The following PTK2B variants were observed in gnomAD, a reference collection of about 807,000 sequenced individuals.
PTK2B encodes protein-tyrosine kinase 2-beta.
Under a neutral mutation model 142.9 loss-of-function variants are expected in PTK2B, and 71 were observed. The ratio of observed to expected loss-of-function variants is 0.50; its 90% CI spans 0.41 to 0.61. The LOEUF is 0.61. Among genes scored for constraint, PTK2B ranks in the 20% least tolerant of loss-of-function variants. The pLI, the probability that PTK2B is intolerant of heterozygous loss-of-function variation, is 0.00. For missense variants in PTK2B, 1,105 were observed against 1,320.4 expected, an observed-to-expected ratio of 0.84 and a Z score of 2.53; for synonymous variants, 519 against 503.4, an observed-to-expected ratio of 1.03 and a Z score of -0.42.
At chr8:27,372,012 T>C (rs1255680766) in intron 1 of PTK2B, among the ~76,000 whole-genome samples, 1 of 152,184 alleles carries the variant, frequency 6.6e-6, no homozygotes, top group Non-Finnish European at 1.5e-5. Context: ...GGGAACAGGG[T>C]GTTATGTGGA....
At chr8:27,390,781 CCT>C (rs1175439838) in intron 1 of PTK2B, among the ~76,000 whole-genome samples, 1 of 152,170 alleles carries the variant, frequency 6.6e-6, no homozygotes, top group Non-Finnish European at 1.5e-5. Flanking sequence ...ATGGAAGTAA[CCT>C]CTGATACTCC....
intron 2 of PTK2B, among the ~76,000 whole-genome samples, chr8:27,403,926 CTTCTCT>C (rs984579476): frequency 2.0e-5 from 3 of 150,952 alleles, no homozygotes; most frequent in African/African-American, 7.3e-5. Context: ...TCTCCTTCTC[CTTCTCT>C]GCCTCCTCTT....
rs375666216 is a variant in PTK2B at position 27,433,603 on chromosome 8, C to T, written c.1105+51C>T. 21 of 1,483,190 alleles carry T rather than the reference C, an allele frequency of 1.4e-5. No individual in the cohort carries two copies. In the Admixed American group the frequency reaches 1.9e-4, roughly 13 times the overall value. The allele number at this position is 1,483,190 out of a possible 1,614,324, so 91.9% of individuals were successfully genotyped here. On this transcript the variant is annotated intron_variant, in intron 11 of 30. Transcript: ENST00000346049. ...GCTGGACCACGGGTGGCAGCACACC[C>T]GAGTCCCCAGAGGCGGAGTGGCAGA...
At position 27,458,721 on chromosome 8, in the gene PTK2B, G is replaced by A. The variant is rs149603572; in HGVS notation, c.*212G>A. On this transcript the variant is annotated 3_prime_UTR_variant, in exon 31 of 31. Transcript: ENST00000346049. ...AGGGGACTCTGGGCTATGGACACAG[G>A]GTGACGGTGACAAAGATGGCTCAGA... 4.4e-5 allele frequency: 26 copies of A among 595,166 alleles called. No individual in the cohort carries two copies. In the East Asian group the frequency reaches 7.4e-4, roughly 17 times the overall value. 36.9% of individuals were successfully genotyped at this position (595,166 alleles called of 1,614,324 possible).
At chr8:27,425,579 CA>C (rs1460771021) in intron 5 of PTK2B, among the ~76,000 whole-genome samples, 1 of 152,114 alleles carries the variant, frequency 6.6e-6, no homozygotes, top group Non-Finnish European at 1.5e-5. Context: ...AATTCCCCAC[CA>C]AAGTGGTGCA....
At chr8:27,328,451 A>G (rs932882128) in intron 1 of PTK2B, among the ~76,000 whole-genome samples, 2 of 152,230 alleles carry the variant, frequency 1.3e-5, no homozygotes, top group Non-Finnish European at 2.9e-5. Context: ...GTTAAGAGAA[A>G]GAGGAAATGG....
intron 2 of PTK2B, among the ~76,000 whole-genome samples, chr8:27,407,233 C>T (rs1808773311): frequency 6.6e-6 from 1 of 152,156 alleles, no homozygotes; most frequent in Non-Finnish European, 1.5e-5. Flanking sequence ...TACTTCCCGT[C>T]TTCACACACA....
upstream of PTK2B, among the ~76,000 whole-genome samples, chr8:27,323,656 G>A (rs1009969908): frequency 6.6e-6 from 1 of 152,100 alleles, no homozygotes; most frequent in African/African-American, 2.4e-5. Context: ...GCAGTAACAG[G>A]CAGAAATGCA....
chr8:27,456,074 C>G (rs763549030), intron 30 of PTK2B, among the ~76,000 whole-genome samples: 1 of 152,236 alleles, frequency 6.6e-6, no homozygotes, highest in Non-Finnish European at 1.5e-5. Flanking sequence ...TGTCTTGTCT[C>G]ATTTAAGAGC....
upstream of PTK2B, chr8:27,310,889 T>C: frequency 6.2e-7 from 1 of 1,612,938 alleles, no homozygotes; most frequent in Non-Finnish European, 8.5e-7. Context: ...CAGCAGCTCC[T>C]TGTCCTCGAG....
chr8:27,439,422 T>G (rs1233303328), intron 20 of PTK2B, 24 bp downstream of exon 20: 31 of 1,597,370 alleles, frequency 1.9e-5, no homozygotes, highest in Non-Finnish European at 2.7e-5. Flanking sequence ...TGGGAGGGCA[T>G]GAAAAGGTGT....
chr8:27,457,316 C>T (rs1332949993), intron 30 of PTK2B, among the ~76,000 whole-genome samples: 1 of 152,040 alleles, frequency 6.6e-6, no homozygotes, highest in African/African-American at 2.4e-5. Context: ...AGGTTTACTA[C>T]TCAGAAAAAA....
At chr8:27,347,414 A>G (rs369822589) in intron 1 of PTK2B, among the ~76,000 whole-genome samples, 3 of 152,102 alleles carry the variant, frequency 2.0e-5, no homozygotes, top group Non-Finnish European at 2.9e-5. Context: ...AGTTTGCTCA[A>G]CTGTCATCAG....
At chr8:27,361,156 C>T (rs574213590) in intron 1 of PTK2B, among the ~76,000 whole-genome samples, 44 of 152,292 alleles carry the variant, frequency 2.9e-4, no homozygotes, top group African/African-American at 1.0e-3. Flanking sequence ...TTATTCCACA[C>T]TCTATGTCCA....
intron 2 of PTK2B, among the ~76,000 whole-genome samples, chr8:27,410,682 A>G (rs184218114): frequency 6.6e-6 from 1 of 152,358 alleles, no homozygotes; most frequent in Admixed American, 6.5e-5. Context: ...GAGCACTGAC[A>G]AAAGAGAAGG....
At chr8:27,310,850 T>C (rs1321479163), upstream of PTK2B, 10 of 1,609,226 alleles carry the variant, frequency 6.2e-6, no homozygotes, top group Non-Finnish European at 7.6e-6. Flanking sequence ...GTGCCCCTGG[T>C]GTCGGGGGTC....
At chr8:27,332,268 G>T (rs1311569098) in intron 1 of PTK2B, among the ~76,000 whole-genome samples, 2 of 152,198 alleles carry the variant, frequency 1.3e-5, no homozygotes, top group Admixed American at 6.5e-5. Flanking sequence ...TCCTCTTCAA[G>T]CCTTCCTTTT....
At chr8:27,409,546 T>C (rs1434100009) in intron 2 of PTK2B, among the ~76,000 whole-genome samples, 4 of 152,070 alleles carry the variant, frequency 2.6e-5, no homozygotes, top group Admixed American at 6.6e-5. Flanking sequence ...GGGATGGGAC[T>C]GGAAAGAACA....
intron 3 of PTK2B, 28 bp from the exon 4 acceptor site, chr8:27,420,629 C>A (rs1266036123): frequency 6.2e-7 from 1 of 1,600,656 alleles, no homozygotes; most frequent in Admixed American, 1.7e-5. Context: ...TTCTCTGTGT[C>A]AACCAGAGCC....
Sources: allele counts gnomAD v4.1 joint callset (sites outside exome capture counted in the v4.1 genomes callset), GRCh38; gene constraint gnomAD v4.1.1; transcripts MANE v1.5; gene names NCBI Gene and HGNC (gene_info 2026-07-23, HGNC 2026-07-21).